The following GAB4 variants were observed in gnomAD, a reference collection of about 807,000 sequenced individuals.
The protein encoded by GAB4 is GRB2 associated binding protein family member 4.
A neutral mutation model predicts 51.3 loss-of-function variants in GAB4; 26 were observed. The ratio of observed to expected loss-of-function variants is 0.51; its 90% CI spans 0.37 to 0.70. GAB4 has a LOEUF of 0.70. Ranked by LOEUF, GAB4 falls within the 30% of genes least tolerant of loss-of-function variation. GAB4 has a pLI of 0.00. For missense variants in GAB4, 759 were observed against 734.6 expected (o/e 1.03, Z -0.38); for synonymous variants, 329 against 291.2 (o/e 1.13, Z -1.32).
In GAB4 at chr22:16,966,115, T is replaced by C; in HGVS notation, c.1273A>G (p.Lys425Glu). The C allele has an allele frequency of 6.2e-7, 1 of 1,613,976 alleles. No individual in the cohort carries two copies. Among genetic ancestry groups the C allele is most frequent in the African/African-American group, 1.3e-5 (1 of 75,036 alleles). ...VQLPPVNRSL[K>E]PNQKANPTPP... is the part of the protein sequence containing the mutation. Reference sequence around the variant, plus strand: ...AAAGACTTACCCTTCTGGTTAGGCTTGAGGCTGCGGTTGACAGGGGGCAGC... The same window carrying C: ...AAAGACTTACCCTTCTGGTTAGGCTCGAGGCTGCGGTTGACAGGGGGCAGC... Residue 425 changes from lysine to glutamate, a missense_variant, in exon 6 of 10, where the codon AAG becomes GAG. Coordinates refer to ENST00000400588, the MANE Select transcript of GAB4 (RefSeq NM_001037814.1).
At chr22:16,987,739 G>T (rs2060879601) in intron 3 of GAB4, among the ~76,000 whole-genome samples, 1 of 151,974 alleles carries the variant, frequency 6.6e-6, no homozygotes, top group Non-Finnish European at 1.5e-5. Flanking sequence ...TATAATGGTA[G>T]GTTTCTTAGG....
At chr22:17,000,157 C>A (rs2060985926) in intron 1 of GAB4, among the ~76,000 whole-genome samples, 2 of 152,166 alleles carry the variant, frequency 1.3e-5, no homozygotes, top group Non-Finnish European at 1.5e-5. Context: ...TCTATTAGGT[C>A]TGCTTGGCGT....
At chr22:16,971,576 A>G (rs1176771381) in intron 3 of GAB4, among the ~76,000 whole-genome samples, 1 of 152,232 alleles carries the variant, frequency 6.6e-6, no homozygotes, top group African/African-American at 2.4e-5. Context: ...TCCTTATAGC[A>G]GGAGTTCTCA....
chr22:16,999,235 C>A (rs2060975751), intron 1 of GAB4, among the ~76,000 whole-genome samples: 1 of 152,128 alleles, frequency 6.6e-6, no homozygotes, highest in South Asian at 2.1e-4. Context: ...CTCTTGGTAC[C>A]TCTGATAGAA....
chr22:17,006,155 G>A (rs1466166929), intron 1 of GAB4, among the ~76,000 whole-genome samples: 1 of 151,962 alleles, frequency 6.6e-6, no homozygotes, highest in East Asian at 1.9e-4. Flanking sequence ...AATGTATAAG[G>A]AATTTAAACA....
intron 2 of GAB4, among the ~76,000 whole-genome samples, chr22:16,989,628 A>T (rs1399449641): frequency 6.6e-6 from 1 of 152,220 alleles, no homozygotes; most frequent in Non-Finnish European, 1.5e-5. Context: ...GACCTGCAAG[A>T]TGAATGCTCT....
At chr22:16,994,471 G>A (rs2060936105) in intron 1 of GAB4, among the ~76,000 whole-genome samples, 1 of 152,194 alleles carries the variant, frequency 6.6e-6, no homozygotes, top group African/African-American at 2.4e-5. Flanking sequence ...TGGTGCAGGT[G>A]TTATGTATAT....
chr22:16,979,804 C>A (rs1455420775), intron 3 of GAB4, among the ~76,000 whole-genome samples: 1 of 152,242 alleles, frequency 6.6e-6, no homozygotes, highest in African/African-American at 2.4e-5. Context: ...GGACTGGTAC[C>A]AAAACAGATA....
intron 6 of GAB4, 84 bp downstream of exon 6, chr22:16,966,016 G>A (rs73145683): frequency 0.097 from 127,709 of 1,311,328 alleles, 6,865 homozygotes; most frequent in Admixed American, 0.17. Context: ...AAAGTCAGAC[G>A]TTCCACATCC....
chr22:16,975,999 C>A (rs77477331), intron 3 of GAB4, among the ~76,000 whole-genome samples: 1 of 150,856 alleles, frequency 6.6e-6, no homozygotes, highest in Non-Finnish European at 1.5e-5. Context: ...CAAAAAAAAA[C>A]ATCCACACAA....
chr22:16,988,670 G>A (rs1054032256), intron 2 of GAB4, among the ~76,000 whole-genome samples: 2 of 152,170 alleles, frequency 1.3e-5, no homozygotes, highest in African/African-American at 4.8e-5. Context: ...AGGTATCATG[G>A]ACAGGTAGTA....
chr22:16,973,513 T>G (rs1474168289), intron 3 of GAB4, among the ~76,000 whole-genome samples: 1 of 152,118 alleles, frequency 6.6e-6, no homozygotes, highest in Admixed American at 6.5e-5. Context: ...GCTCAGATAC[T>G]CACCCCTGAG....
intron 1 of GAB4, among the ~76,000 whole-genome samples, chr22:17,000,728 T>C (rs2060990908): frequency 6.6e-6 from 1 of 152,236 alleles, no homozygotes; most frequent in South Asian, 2.1e-4. Flanking sequence ...AGTTTCTTCC[T>C]AGCATCAAGG....
intron 2 of GAB4, among the ~76,000 whole-genome samples, chr22:16,991,313 G>GA (rs59969063): frequency 0.018 from 2,138 of 117,198 alleles, 30 homozygotes; most frequent in African/African-American, 0.045. Context: ...TCTGCCTCAG[G>GA]AAAAAAAAAA....
chr22:16,984,624 T>C (rs1383925224), intron 3 of GAB4, among the ~76,000 whole-genome samples: 1 of 152,222 alleles, frequency 6.6e-6, no homozygotes, highest in Non-Finnish European at 1.5e-5. Context: ...AATGTTGATG[T>C]TTTGGTTTCT....
chr22:17,003,582 T>A (rs2061015902), intron 1 of GAB4, among the ~76,000 whole-genome samples: 1 of 152,234 alleles, frequency 6.6e-6, no homozygotes, highest in African/African-American at 2.4e-5. Context: ...GAATGATTAC[T>A]GGGTAAATAA....
At chr22:16,966,884 C>T (rs2060680462) in intron 5 of GAB4, 1 of 157,844 alleles carries the variant, frequency 6.3e-6, no homozygotes, top group African/African-American at 2.4e-5. Flanking sequence ...AACTGGAAAC[C>T]ATCAGGGAGA....
intron 1 of GAB4, among the ~76,000 whole-genome samples, chr22:17,002,564 C>T (rs2061006195): frequency 6.6e-6 from 1 of 151,670 alleles, no homozygotes; most frequent in African/African-American, 2.4e-5. Context: ...ATCATAATGA[C>T]AGGATCAAAT....
intron 1 of GAB4, among the ~76,000 whole-genome samples, chr22:16,997,211 G>C (rs533338072): frequency 6.6e-6 from 1 of 152,254 alleles, no homozygotes; most frequent in East Asian, 1.9e-4. Context: ...TCCTTGAGGA[G>C]TCGCCACACT....
Sources: allele counts gnomAD v4.1 joint callset (sites outside exome capture counted in the v4.1 genomes callset), GRCh38; gene constraint gnomAD v4.1.1; transcripts MANE v1.5; gene names NCBI Gene and HGNC (gene_info 2026-07-23, HGNC 2026-07-21).